The following TMEM132D variants were observed in gnomAD, a reference collection of about 807,000 sequenced individuals.
TMEM132D encodes mature OL transmembrane protein.
A neutral mutation model predicts 62.3 loss-of-function variants in TMEM132D; 21 were observed. The observed-to-expected ratio is 0.34, with a 90% CI of 0.24 to 0.49. The LOEUF is 0.49. TMEM132D is among the 20% of genes least tolerant of loss of function. The pLI, the probability that TMEM132D is intolerant of heterozygous loss-of-function variation, is 0.99. For synonymous variants in TMEM132D, 621 were observed against 575.6 expected, an observed-to-expected ratio of 1.08 and a Z score of -1.13; for missense variants, 1,346 against 1,402.8, an observed-to-expected ratio of 0.96 and a Z score of 0.65.
chr12:129,765,206 G>A (rs945034533), intron 1 of TMEM132D, among the ~76,000 whole-genome samples: 2 of 152,280 alleles, frequency 1.3e-5, no homozygotes, highest in African/African-American at 2.4e-5. Context: ...CTGATTCTGT[G>A]GAGGCAATTC....
chr12:129,414,183 T>C (rs190372640), intron 3 of TMEM132D, among the ~76,000 whole-genome samples: 229 of 152,360 alleles, frequency 1.5e-3, no homozygotes, highest in African/African-American at 5.2e-3. Context: ...TTAGCACTTA[T>C]TGGCAATTTT....
intron 5 of TMEM132D, among the ~76,000 whole-genome samples, chr12:129,183,552 G>C (rs763137228): frequency 6.6e-6 from 1 of 152,208 alleles, no homozygotes. Context: ...TTGGGCCTGA[G>C]GTTGATGCCA....
At chr12:129,090,666 T>G (rs972901531) in intron 5 of TMEM132D, among the ~76,000 whole-genome samples, 6 of 127,892 alleles carry the variant, frequency 4.7e-5, no homozygotes, top group African/African-American at 1.6e-4. Flanking sequence ...AGACCCTGTC[T>G]GAAAAAAAAA....
chr12:129,306,495 G>A (rs1379139893), intron 4 of TMEM132D, among the ~76,000 whole-genome samples: 2 of 152,148 alleles, frequency 1.3e-5, no homozygotes, highest in African/African-American at 4.8e-5. Flanking sequence ...GTTCAAATAT[G>A]TTCTCCCAGA....
At chr12:129,384,484 T>C (rs893894533) in intron 3 of TMEM132D, among the ~76,000 whole-genome samples, 2 of 151,164 alleles carry the variant, frequency 1.3e-5, no homozygotes, top group African/African-American at 2.4e-5. Flanking sequence ...CCATGGTTCC[T>C]GGAAAACAAA....
At chr12:129,360,863 A>AG (rs1489340187) in intron 3 of TMEM132D, among the ~76,000 whole-genome samples, 2 of 152,294 alleles carry the variant, frequency 1.3e-5, no homozygotes, top group Admixed American at 1.3e-4. Flanking sequence ...CTGATGACGA[A>AG]GGTGGCTTGT....
intron 2 of TMEM132D, among the ~76,000 whole-genome samples, chr12:129,686,025 G>T (rs1438421522): frequency 6.6e-6 from 1 of 152,120 alleles, no homozygotes; most frequent in Non-Finnish European, 1.5e-5. Context: ...ACTTGCTTTC[G>T]ATTTTACAGG....
intron 1 of TMEM132D, among the ~76,000 whole-genome samples, chr12:129,891,550 C>CA (rs2137394362): frequency 6.6e-6 from 1 of 152,300 alleles, no homozygotes; most frequent in East Asian, 1.9e-4. Context: ...AATATCTGTG[C>CA]AAAATGGTGC....
At chr12:129,766,991 T>A (rs1265034294) in intron 1 of TMEM132D, among the ~76,000 whole-genome samples, 1 of 152,192 alleles carries the variant, frequency 6.6e-6, no homozygotes, top group Non-Finnish European at 1.5e-5. Flanking sequence ...GGTATAAATA[T>A]GACTGCACAG....
chr12:129,307,352 T>C (rs565703493), intron 4 of TMEM132D, among the ~76,000 whole-genome samples: 2 of 152,202 alleles, frequency 1.3e-5, no homozygotes, highest in Non-Finnish European at 2.9e-5. Context: ...ATTGTTACTA[T>C]TTTTTCAACA....
chr12:129,350,850 C>A (rs184223157), intron 3 of TMEM132D, among the ~76,000 whole-genome samples: 94 of 152,298 alleles, frequency 6.2e-4, no homozygotes, highest in African/African-American at 2.1e-3. Flanking sequence ...GACAAGAAGG[C>A]ACCTTTTTAA....
chr12:129,282,174 CTG>C (rs1224973490), intron 4 of TMEM132D, among the ~76,000 whole-genome samples: 2 of 152,168 alleles, frequency 1.3e-5, no homozygotes, highest in African/African-American at 2.4e-5. Context: ...TGAGGAAACA[CTG>C]AGGTTTGCTG....
At chr12:129,142,309 T>A (rs1472906290) in intron 5 of TMEM132D, among the ~76,000 whole-genome samples, 3 of 152,044 alleles carry the variant, frequency 2.0e-5, no homozygotes, top group African/African-American at 7.2e-5. Context: ...CAACCCTGAT[T>A]CTCTGGATAA....
chr12:129,461,670 G>A (rs1873678736), intron 3 of TMEM132D, among the ~76,000 whole-genome samples: 1 of 122,732 alleles, frequency 8.1e-6, no homozygotes, highest in Non-Finnish European at 1.6e-5. Context: ...GAGAAAAGAG[G>A]AACCAAGTGA....
At chr12:129,457,939 G>C (rs1256372560) in intron 3 of TMEM132D, among the ~76,000 whole-genome samples, 2 of 152,152 alleles carry the variant, frequency 1.3e-5, no homozygotes, top group African/African-American at 4.8e-5. Flanking sequence ...ATCAGGCATG[G>C]ATTCCCCACT....
At chr12:129,896,637 G>A (rs1371943286) in intron 1 of TMEM132D, among the ~76,000 whole-genome samples, 1 of 152,116 alleles carries the variant, frequency 6.6e-6, no homozygotes, top group African/African-American at 2.4e-5. Flanking sequence ...CTCGTGAAAA[G>A]AATAACTTAA....
intron 4 of TMEM132D, among the ~76,000 whole-genome samples, chr12:129,263,293 T>C (rs149289764): frequency 1.1e-3 from 171 of 152,300 alleles, no homozygotes; most frequent in Non-Finnish European, 2.3e-3. Flanking sequence ...CCAACTTGGG[T>C]ATCTTTTGGT....
intron 2 of TMEM132D, among the ~76,000 whole-genome samples, chr12:129,590,123 A>AT (rs572202926): frequency 6.6e-6 from 1 of 151,844 alleles, no homozygotes; most frequent in South Asian, 2.1e-4. Context: ...TATATTTTGA[A>AT]TTTTTTTCAT....
At chr12:129,383,479 T>C (rs1871011816) in intron 3 of TMEM132D, among the ~76,000 whole-genome samples, 1 of 152,188 alleles carries the variant, frequency 6.6e-6, no homozygotes, top group African/African-American at 2.4e-5. Context: ...AGGCGGAGTC[T>C]TGCTCTGTTG....
Sources: allele counts gnomAD v4.1 joint callset (sites outside exome capture counted in the v4.1 genomes callset), GRCh38; gene constraint gnomAD v4.1.1; transcripts MANE v1.5; gene names NCBI Gene and HGNC (gene_info 2026-07-23, HGNC 2026-07-21).